The following CCDC88C variants were observed in gnomAD, a reference collection of about 807,000 sequenced individuals.
CCDC88C encodes the protein protein Daple.
CCDC88C carries 131 observed loss-of-function variants against 198.8 expected under a neutral mutation model. The observed-to-expected ratio is 0.66, with a 90% CI of 0.57 to 0.76. CCDC88C has a LOEUF of 0.76. Among genes scored for constraint, CCDC88C ranks in the 30% least tolerant of loss-of-function variants. The probability of loss-of-function intolerance (pLI) is 0.00; values close to 1 mark genes in which losing one functional copy is unlikely to be tolerated. For synonymous variants in CCDC88C, 1,166 were observed against 1,114.7 expected (o/e 1.05, Z -0.92); for missense variants, 2,553 against 2,631.6 (o/e 0.97, Z 0.65).
At chr14:91,372,681 C>T (rs555099508) in intron 3 of CCDC88C, among the ~76,000 whole-genome samples, 13 of 152,230 alleles carry the variant, frequency 8.5e-5, no homozygotes, top group South Asian at 6.2e-4. Flanking sequence ...ACAGAACCAC[C>T]GTTCAGGGAG....
At chr14:91,413,465 T>G (rs1325941506) in intron 2 of CCDC88C, among the ~76,000 whole-genome samples, 1 of 152,094 alleles carries the variant, frequency 6.6e-6, no homozygotes, top group Non-Finnish European at 1.5e-5. Flanking sequence ...CTTAAATAAT[T>G]TTCCTACAAG....
rs765559468 is a variant in CCDC88C at position 91,338,561 on chromosome 14, C to G, written c.819G>C (p.Lys273Asn). ...GTCTGGTGTCCACAAGCTGCTCTGT[C>G]TTATCCTCCCTGCAGAGGCAGTAAG... ...LRRVRQELED[K>N]TEQLVDTRHE... Residue 273 changes from lysine (K) to asparagine (N), a missense_variant, in exon 9 of 30, where the codon AAG becomes AAC. Transcript: ENST00000389857. The surrounding 1 kb of genome is among the most constrained non-coding windows in gnomAD (Gnocchi z 4.8). The G allele has an allele frequency of 2.6e-6, 4 of 1,563,354 alleles. No homozygotes were observed. The Admixed American group carries it at 5.7e-5, about 22-fold the overall frequency.
At chr14:91,402,536 A>G (rs1469649156) in intron 3 of CCDC88C, among the ~76,000 whole-genome samples, 1 of 152,202 alleles carries the variant, frequency 6.6e-6, no homozygotes, top group Non-Finnish European at 1.5e-5. Context: ...TATAGTGTGC[A>G]CACACGCATA....
At chr14:91,296,347 TC>T (rs1432615912) in intron 22 of CCDC88C, among the ~76,000 whole-genome samples, 2 of 152,254 alleles carry the variant, frequency 1.3e-5, no homozygotes, top group Non-Finnish European at 2.9e-5. Context: ...ACCACACATG[TC>T]CAGCTCTTGC....
intron 3 of CCDC88C, among the ~76,000 whole-genome samples, chr14:91,373,809 G>A (rs8021298): frequency 0.4 from 61,222 of 151,996 alleles, 13,310 homozygotes; most frequent in African/African-American, 0.57. Context: ...TTGGGGGGTG[G>A]GCAGGGGTTG....
chr14:91,363,455 C>G (rs922362779), intron 3 of CCDC88C, among the ~76,000 whole-genome samples: 11 of 149,832 alleles, frequency 7.3e-5, no homozygotes, highest in Non-Finnish European at 1.6e-4. Flanking sequence ...GTGTATGTTA[C>G]ACTTACAGCA....
chr14:91,362,221 A>C (rs1265671452), intron 3 of CCDC88C, among the ~76,000 whole-genome samples: 1 of 151,334 alleles, frequency 6.6e-6, no homozygotes, highest in African/African-American at 2.4e-5. Context: ...GCAACAGAGC[A>C]AGATTCTGTC....
chr14:91,388,235 ATG>A (rs1567115676), intron 3 of CCDC88C, among the ~76,000 whole-genome samples: 1 of 152,142 alleles, frequency 6.6e-6, no homozygotes, highest in African/African-American at 2.4e-5. Flanking sequence ...GCCCTAACCA[ATG>A]TATGACCAGA....
chr14:91,291,891 A>C (rs1890676689), intron 23 of CCDC88C, among the ~76,000 whole-genome samples: 1 of 152,150 alleles, frequency 6.6e-6, no homozygotes, highest in South Asian at 2.1e-4. Context: ...TCCTCATACA[A>C]ACAGAAAGCT....
Position 91,279,439 on chromosome 14 carries a change from C to G in CCDC88C, c.4700-133G>C, listed in dbSNP as rs920852473. The G allele has an allele frequency of 1.0e-5, 7 of 676,164 alleles. No homozygotes were observed. The African/African-American group carries it at 1.3e-4, about 12-fold the overall frequency. 41.9% of individuals were successfully genotyped at this position (676,164 alleles called of 1,614,324 possible). On this transcript the variant is annotated intron_variant, in intron 27 of 29. Transcript: ENST00000389857. ...GCCCAACGCCCTCAGGAAGGAGGAGCTCTGGGACTCCCTCTGCGCTCCAGT... is the reference window on the plus strand; with the variant it reads ...GCCCAACGCCCTCAGGAAGGAGGAGGTCTGGGACTCCCTCTGCGCTCCAGT...
Position 91,297,498 on chromosome 14 carries a change from G to T in CCDC88C, c.3780-7C>A. On this transcript the variant is annotated splice_polypyrimidine_tract_variant and splice_region_variant and intron_variant, in intron 21 of 29. Coordinates refer to ENST00000389857, the MANE Select transcript of CCDC88C (RefSeq NM_001080414.4). ...GTGGTGCAGGAAATTGACCCTGGAG[G>T]AGGAAGAGTCACAGGGCAAAGGAGC... is the stretch of plus-strand genomic sequence containing the variant. 6.4e-7 allele frequency: 1 copy of T among 1,552,756 alleles called. No individual in the cohort carries two copies. Among genetic ancestry groups the T allele is most frequent in the Admixed American group, 2.0e-5 (1 of 51,100 alleles).
chr14:91,378,198 GC>G (rs1171330577), intron 3 of CCDC88C, among the ~76,000 whole-genome samples: 2 of 152,208 alleles, frequency 1.3e-5, no homozygotes, highest in African/African-American at 4.8e-5. Flanking sequence ...GAAGTGCAAA[GC>G]CGCAAGCTGG....
At chr14:91,293,567 G>GCCTGCCACA (rs1567055921) in intron 23 of CCDC88C, among the ~76,000 whole-genome samples, 1 of 16,124 alleles carries the variant, frequency 6.2e-5, no homozygotes, top group African/African-American at 3.5e-4. Context: ...CGCCTGCCAC[G>GCCTGCCACA]GCCCACCTTC....
chr14:91,373,494 A>G (rs1033285671), intron 3 of CCDC88C, among the ~76,000 whole-genome samples: 1 of 152,016 alleles, frequency 6.6e-6, no homozygotes, highest in Non-Finnish European at 1.5e-5. Flanking sequence ...CTTAGCCCCC[A>G]CTCGCTCCTC....
intron 4 of CCDC88C, among the ~76,000 whole-genome samples, chr14:91,355,961 A>T (rs2139896330): frequency 6.6e-6 from 1 of 152,246 alleles, no homozygotes; most frequent in East Asian, 1.9e-4. Flanking sequence ...AAAACGTTAT[A>T]AATAACAGTA....
At chr14:91,356,019 C>T (rs1596106922) in intron 4 of CCDC88C, among the ~76,000 whole-genome samples, 1 of 152,072 alleles carries the variant, frequency 6.6e-6, no homozygotes, top group South Asian at 2.1e-4. Context: ...CCCTCACACA[C>T]GACGGGGATA....
At chr14:91,292,546 C>T (rs1395352340) in intron 23 of CCDC88C, among the ~76,000 whole-genome samples, 1 of 152,162 alleles carries the variant, frequency 6.6e-6, no homozygotes, top group Non-Finnish European at 1.5e-5. Context: ...GCCCTAGACA[C>T]GTAGGTGAAG....
intron 22 of CCDC88C, among the ~76,000 whole-genome samples, chr14:91,297,071 G>A (rs557716846): frequency 6.6e-6 from 1 of 152,144 alleles, no homozygotes; most frequent in African/African-American, 2.4e-5. Flanking sequence ...TGCCTCTCCC[G>A]ACCCTGCAAA....
chr14:91,369,812 G>C (rs1217286220), intron 3 of CCDC88C, among the ~76,000 whole-genome samples: 1 of 152,076 alleles, frequency 6.6e-6, no homozygotes, highest in Non-Finnish European at 1.5e-5. Flanking sequence ...ATTAATCCTG[G>C]GATCCCTAGG....
Sources: allele counts gnomAD v4.1 joint callset (sites outside exome capture counted in the v4.1 genomes callset), GRCh38; gene constraint gnomAD v4.1.1; non-coding constraint Gnocchi (gnomAD v3.1); transcripts MANE v1.5; gene names NCBI Gene and HGNC (gene_info 2026-07-23, HGNC 2026-07-21).